The following EHHADH variants were observed in gnomAD, a reference collection of about 807,000 sequenced individuals.
EHHADH encodes the protein peroxisomal bifunctional enzyme.
Under a neutral mutation model 64.4 loss-of-function variants are expected in EHHADH, and 48 were observed. The observed-to-expected ratio is 0.75, with a 90% confidence interval of 0.59 to 0.95. The LOEUF (loss-of-function observed/expected upper bound fraction) is 0.95, where lower values mean the gene tolerates loss of function less well. EHHADH is among the 40% of genes least tolerant of loss of function. The probability of loss-of-function intolerance (pLI) is 0.00; values close to 1 mark genes in which losing one functional copy is unlikely to be tolerated. For synonymous variants in EHHADH, 308 were observed against 326.7 expected, an observed-to-expected ratio of 0.94 and a Z score of 0.62; for missense variants, 854 against 876.6, an observed-to-expected ratio of 0.97 and a Z score of 0.33.
At chr3:185,195,503 T>G (rs1156731650) in intron 6 of EHHADH, among the ~76,000 whole-genome samples, 1 of 152,158 alleles carries the variant, frequency 6.6e-6, no homozygotes, top group Non-Finnish European at 1.5e-5. Context: ...TCCACTGATA[T>G]CTAAATCTCC....
chr3:185,227,286 A>C (rs904741035), intron 4 of EHHADH, among the ~76,000 whole-genome samples: 2 of 152,228 alleles, frequency 1.3e-5, no homozygotes, highest in Non-Finnish European at 2.9e-5. Context: ...TAATCCCAGC[A>C]CTTTGGGGGG....
Position 185,193,056 on chromosome 3 carries a change from T to C in EHHADH, c.1342A>G (p.Ser448Gly). Residue 448 changes from serine (S) to glycine (G), a missense_variant, in exon 7 of 7, where the codon AGC (serine) becomes GGC (glycine). Coordinates refer to ENST00000231887, the MANE Select transcript of EHHADH (RefSeq NM_001966.4). ...ATGGTAGTGGGGGAAGAGTATTGGCTGGGAATAACCTCTAACAACTTCATG... is the reference window on the plus strand; with the variant it reads ...ATGGTAGTGGGGGAAGAGTATTGGCCGGGAATAACCTCTAACAACTTCATG... ...HVMKLLEVIP[S>G]QYSSPTTIAT... 2 of 1,614,196 alleles carry C rather than the reference T, an allele frequency of 1.2e-6. No individual in the cohort carries two copies. Among genetic ancestry groups the C allele is most frequent in the Non-Finnish European group, 1.7e-6 (2 of 1,180,030 alleles).
chr3:185,224,501 CAAAA>C (rs757023353), intron 4 of EHHADH, among the ~76,000 whole-genome samples: 1 of 51,582 alleles, frequency 1.9e-5, no homozygotes, highest in Non-Finnish European at 3.9e-5. Flanking sequence ...ACCCTGTCAC[CAAAA>C]AAAAAAAAAA....
At chr3:185,221,519 C>G (rs1182043583) in intron 4 of EHHADH, among the ~76,000 whole-genome samples, 2 of 151,830 alleles carry the variant, frequency 1.3e-5, no homozygotes, top group Non-Finnish European at 2.9e-5. Context: ...TAAAATCATC[C>G]CCCCATTTAA....
intron 4 of EHHADH, among the ~76,000 whole-genome samples, chr3:185,218,793 C>T (rs538896505): frequency 1.0e-3 from 151 of 151,702 alleles, no homozygotes; most frequent in African/African-American, 3.5e-3. Flanking sequence ...GAGGCCAAGG[C>T]GGGTGGATCA....
At chr3:185,229,582 A>G (rs1464152382) in intron 3 of EHHADH, 39 bp from the exon 4 acceptor site, 2 of 1,322,812 alleles carry the variant, frequency 1.5e-6, no homozygotes, top group Admixed American at 2.2e-5. Context: ...TTAGCATGAG[A>G]TGGTATGTTC....
chr3:185,217,831 C>A (rs561712795), intron 5 of EHHADH, among the ~76,000 whole-genome samples: 35 of 151,072 alleles, frequency 2.3e-4, no homozygotes, highest in African/African-American at 8.5e-4. Flanking sequence ...GTGGCGCGAT[C>A]TCGGCTCACT....
intron 2 of EHHADH, among the ~76,000 whole-genome samples, chr3:185,247,640 A>G (rs1173853077): frequency 2.0e-5 from 3 of 152,126 alleles, no homozygotes; most frequent in African/African-American, 7.2e-5. Context: ...TTTTATATTT[A>G]TTTATTGCCA....
At chr3:185,213,771 T>C (rs934333332) in intron 5 of EHHADH, among the ~76,000 whole-genome samples, 21 of 150,542 alleles carry the variant, frequency 1.4e-4, no homozygotes, top group African/African-American at 5.1e-4. Flanking sequence ...TCCCAGCTAC[T>C]CCAGAGGCTG....
rs193164061 is a variant in EHHADH, at chr3:185,191,893, G to T, written c.*333C>A. The T allele has an allele frequency of 1.1e-3, 312 of 294,038 alleles. No individual in the cohort carries two copies. The highest frequency in any genetic ancestry group is 1.4e-3 in the Non-Finnish European group (228 of 157,966). The allele number at this position is 294,038 out of a possible 1,614,324, so 18.2% of individuals were successfully genotyped here. ...GTCAAAATGAATGTATGACTTAGCT[G>T]CATTTATCATTTATTAATTGATGAC... On this transcript the variant is annotated 3_prime_UTR_variant, in exon 7 of 7. Coordinates refer to ENST00000231887, the MANE Select transcript of EHHADH (RefSeq NM_001966.4).
intron 2 of EHHADH, among the ~76,000 whole-genome samples, chr3:185,244,244 G>A (rs1719533930): frequency 6.6e-6 from 1 of 152,150 alleles, no homozygotes; most frequent in Non-Finnish European, 1.5e-5. Flanking sequence ...TTTTACCAAA[G>A]GGTGTCACTT....
At chr3:185,237,358 T>C (rs1719322904) in intron 2 of EHHADH, among the ~76,000 whole-genome samples, 1 of 152,196 alleles carries the variant, frequency 6.6e-6, no homozygotes, top group South Asian at 2.1e-4. Context: ...TTTTGTTTCT[T>C]TTACTAGCTT....
At position 185,240,282 on chromosome 3, in the gene EHHADH, T is replaced by C. The variant is rs763102205; in HGVS notation, c.179-4820A>G. ...TGGTATCAAGGTGGTACTGCTTTCA[T>C]AGAATGATTTAGGGAGGAATCTTTC... On this transcript the variant is annotated intron_variant, in intron 2 of 6. Transcript: ENST00000231887. Among the ~76,000 whole-genome samples the C allele has an allele frequency of 5.9e-4, 90 of 151,868 alleles. No individual in the cohort carries two copies. The Middle Eastern group carries it at 0.01, about 17-fold the overall frequency.
chr3:185,228,258 ATATAT>A (rs1352765532), intron 4 of EHHADH, among the ~76,000 whole-genome samples: 5 of 14,212 alleles, frequency 3.5e-4, no homozygotes, highest in Admixed American at 9.3e-4. Flanking sequence ...AAAAAAAAAA[ATATAT>A]ATATATATAT....
chr3:185,199,249 GA>G (rs1718159221), intron 6 of EHHADH, among the ~76,000 whole-genome samples: 1 of 152,116 alleles, frequency 6.6e-6, no homozygotes, highest in African/African-American at 2.4e-5. Flanking sequence ...GGAAAATGAA[GA>G]AAAATTATTT....
At chr3:185,243,970 T>C (rs1719523858) in intron 2 of EHHADH, among the ~76,000 whole-genome samples, 1 of 152,236 alleles carries the variant, frequency 6.6e-6, no homozygotes, top group African/African-American at 2.4e-5. Flanking sequence ...CCCTTATTAT[T>C]GTATAGCTGT....
At position 185,193,282 on chromosome 3, in the gene EHHADH, A is replaced by G. The variant is rs778021502; in HGVS notation, c.1116T>C (p.Leu372=). The G allele has an allele frequency of 3.1e-6, 5 of 1,606,102 alleles. No individual in the cohort carries two copies. Among genetic ancestry groups the G allele is most frequent in the Non-Finnish European group, 3.4e-6 (4 of 1,176,584 alleles). Residue 372 remains leucine, a synonymous_variant, in exon 7 of 7, where the codon CTT becomes CTC. Transcript: ENST00000231887. The part of the protein sequence containing the change: ...KPRLTSSVKE[L]GGVDLVIEAV... ...CTTCAATGACTAAATCTACACCACC[A>G]AGCTCCTTCACAGATGAAGTTAACC...
chr3:185,195,438 C>G (rs1405736850), intron 6 of EHHADH, among the ~76,000 whole-genome samples: 2 of 152,130 alleles, frequency 1.3e-5, no homozygotes, highest in Non-Finnish European at 2.9e-5. Context: ...CTGCAAAAAA[C>G]AGTTTAGCAG....
At chr3:185,235,136 C>T (rs1719252389) in intron 3 of EHHADH, among the ~76,000 whole-genome samples, 154 bp downstream of exon 3, 2 of 152,148 alleles carry the variant, frequency 1.3e-5, no homozygotes, top group South Asian at 2.1e-4. Context: ...GCCGAGATCA[C>T]ACCACTGCAC....
Sources: gnomAD v4.1 joint callset for allele counts (sites outside exome capture counted in the v4.1 genomes callset) on GRCh38, gnomAD v4.1.1 for gene constraint, MANE v1.5 for transcripts, NCBI Gene and HGNC (gene_info 2026-07-23, HGNC 2026-07-21) for gene names.